Variants in SLC9A5 observed in about 807,000 individuals in gnomAD.
The protein encoded by SLC9A5 is sodium/hydrogen exchanger 5.
A neutral mutation model predicts 91.7 loss-of-function variants in SLC9A5; 52 were observed. That is an observed-to-expected ratio of 0.57 (90% CI 0.45 to 0.71). The LOEUF is 0.71. Ranked by LOEUF, SLC9A5 falls within the 30% of genes least tolerant of loss-of-function variation. SLC9A5 has a pLI of 0.00. For synonymous variants in SLC9A5, 419 were observed against 474.5 expected (o/e 0.88, Z 1.52); for missense variants, 871 against 1,158.9 (o/e 0.75, Z 3.61).
chr16:67,256,846 T>C lies in SLC9A5; in HGVS notation c.1133-65T>C. 6.5e-7 allele frequency: 1 copy of C among 1,528,002 alleles called. No homozygotes were observed. Among genetic ancestry groups the C allele is most frequent in the Non-Finnish European group, 9.0e-7 (1 of 1,108,764 alleles). The allele number at this position is 1,528,002 out of a possible 1,614,324, so 94.7% of individuals were successfully genotyped here. On this transcript the variant is annotated intron_variant, in intron 6 of 15. Transcript: ENST00000299798. The surrounding 1 kb of genome is among the most constrained non-coding windows in gnomAD (Gnocchi z 4.1). ...GTTAGACCTCAGCCCAGATACTTGG[T>C]CCCATCCGGTCCCACGTCCTCCACT... is the stretch of plus-strand genomic sequence containing the variant.
chr16:67,258,352 C>G lies in SLC9A5; in HGVS notation c.1531C>G (p.Leu511Val). 6.2e-7 allele frequency: 1 copy of G among 1,614,150 alleles called. No individual in the cohort carries two copies. The highest frequency in any genetic ancestry group is 1.6e-4 in the Middle Eastern group (1 of 6,062). ...GTTTGACAAGAAATACCTGAGTCAGCTGCTGATGCGACGATCAGCCTACCG... is the reference window on the plus strand; with the variant it reads ...GTTTGACAAGAAATACCTGAGTCAGGTGCTGATGCGACGATCAGCCTACCG... ...EQFDKKYLSQ[L>V]LMRRSAYRIR... The change falls in exon 10 of 16, where the codon CTG (leucine) becomes GTG (valine). Residue 511 changes from leucine to valine, a missense_variant. By Grantham distance (32) the Leu-to-Val change is conservative (BLOSUM62 1). Coordinates refer to ENST00000299798, the MANE Select transcript of SLC9A5 (RefSeq NM_004594.3). The surrounding 1 kb of genome is among the most constrained non-coding windows in gnomAD (Gnocchi z 4.5).
chr16:67,256,868 C>T lies in SLC9A5; in HGVS notation c.1133-43C>T, dbSNP rs765880548. The T allele has an allele frequency of 6.3e-7, 1 of 1,592,524 alleles. No individual in the cohort carries two copies. The highest frequency in any genetic ancestry group is 8.6e-7 in the Non-Finnish European group (1 of 1,163,342). Reference sequence around the variant, plus strand: ...TGGTCCCATCCGGTCCCACGTCCTCCACTCCCAACGCTTTGCTCCCACTGG... The same window carrying T: ...TGGTCCCATCCGGTCCCACGTCCTCTACTCCCAACGCTTTGCTCCCACTGG... On this transcript the variant is annotated intron_variant, in intron 6 of 15. Coordinates refer to ENST00000299798, the MANE Select transcript of SLC9A5 (RefSeq NM_004594.3). This position sits in a 1 kb window ranked among gnomAD's most constrained non-coding sequence, Gnocchi z 4.1.
intron 15 of SLC9A5, among the ~76,000 whole-genome samples, chr16:67,269,195 G>A (rs1360814418): frequency 6.6e-6 from 1 of 152,002 alleles, no homozygotes; most frequent in East Asian, 1.9e-4. Context: ...AGGCCAAGGT[G>A]TGCAGATCAC....
rs1434953433 is a variant in SLC9A5 at position 67,256,291 on chromosome 16, G to A, written c.912-178G>A. On this transcript the variant is annotated intron_variant, in intron 5 of 15. Transcript: ENST00000299798. The surrounding 1 kb of genome is among the most constrained non-coding windows in gnomAD (Gnocchi z 4.1). ...CAGGAGACACTGAATGGGAAGCCTG[G>A]AGATCTGGACTCTTAGCCCAGCACT... is the stretch of plus-strand genomic sequence containing the variant. Among the ~76,000 whole-genome samples the A allele has an allele frequency of 6.6e-6, 1 of 152,184 alleles. No homozygotes were observed. Among genetic ancestry groups the A allele is most frequent in the Non-Finnish European group, 1.5e-5 (1 of 68,014 alleles).
At chr16:67,269,183 G>A (rs575093690) in intron 15 of SLC9A5, among the ~76,000 whole-genome samples, 2 of 152,124 alleles carry the variant, frequency 1.3e-5, no homozygotes, top group South Asian at 4.2e-4. Context: ...CAGCACTTCG[G>A]GAGGCCAAGG....
chr16:67,261,967 G>A, intron 12 of SLC9A5: 1 of 194,370 alleles, frequency 5.1e-6, no homozygotes, highest in Non-Finnish European at 1.0e-5. Context: ...TGTATGTGGT[G>A]TTTATGTATA....
intron 13 of SLC9A5, 35 bp downstream of exon 13, chr16:67,264,557 G>A (rs749017474): frequency 1.7e-5 from 28 of 1,609,752 alleles, no homozygotes; most frequent in Middle Eastern, 1.7e-4. Flanking sequence ...CTTGGGAGCT[G>A]GAGGCTGACA....
chr16:67,256,693 T>A lies in SLC9A5; in HGVS notation c.1132+4T>A, dbSNP rs753504583. On this transcript the variant is annotated splice_donor_region_variant and intron_variant, in intron 6 of 15. Coordinates refer to ENST00000299798, the MANE Select transcript of SLC9A5 (RefSeq NM_004594.3). This position sits in a 1 kb window ranked among gnomAD's most constrained non-coding sequence, Gnocchi z 4.1. The stretch of plus-strand genomic sequence containing the variant: ...ATCCTGTTCTTCCGAGCCCTCGGTA[T>A]TGCTGGCACCCTCTGCTTTCCCACT... 6.2e-7 allele frequency: 1 copy of A among 1,607,398 alleles called. No individual in the cohort carries two copies. Among genetic ancestry groups the A allele is most frequent in the Non-Finnish European group, 8.5e-7 (1 of 1,175,802 alleles).
chr16:67,254,906 T>C (rs1306882056), intron 2 of SLC9A5, 115 bp from the exon 3 acceptor site: 2 of 1,006,220 alleles, frequency 2.0e-6, no homozygotes, highest in East Asian at 2.5e-5. Flanking sequence ...CCAAGTCCTC[T>C]TTGGGCTTCC....
At chr16:67,262,387 A>G (rs996195305) in intron 12 of SLC9A5, 5 of 396,830 alleles carry the variant, frequency 1.3e-5, no homozygotes, top group Non-Finnish European at 2.1e-5. Flanking sequence ...AGAGACAGAG[A>G]TATCTAGTTT....
At chr16:67,249,242 C>T in intron 1 of SLC9A5, 41 bp downstream of exon 1, 4 of 1,350,648 alleles carry the variant, frequency 3.0e-6, no homozygotes, top group African/African-American at 3.0e-5. Context: ...CCGCCAGCGG[C>T]GGACCCGCCC....
At position 67,255,252 on chromosome 16, in the gene SLC9A5, C is replaced by G. The variant is rs760714120; in HGVS notation, c.654+68C>G. The stretch of plus-strand genomic sequence containing the variant: ...CATGCTCTGACCAACTAGGGGTCTG[C>G]GCAGACTCAGTCCCTTCCCTTGGGT... On this transcript the variant is annotated intron_variant, in intron 3 of 15. Coordinates refer to ENST00000299798, the MANE Select transcript of SLC9A5 (RefSeq NM_004594.3). This position sits in a 1 kb window ranked among gnomAD's most constrained non-coding sequence, Gnocchi z 4.9. 4 of 1,559,244 alleles carry G rather than the reference C, an allele frequency of 2.6e-6. No individual in the cohort carries two copies. The Admixed American group carries it at 6.8e-5, about 27-fold the overall frequency.
rs2035358781 is a variant in SLC9A5 at position 67,257,381 on chromosome 16, G to A, written c.1372G>A (p.Val458Met). The change falls in exon 8 of 16, where the codon GTG becomes ATG. Residue 458 changes from valine to methionine, a missense_variant. This residue lies in a region of SLC9A5 where 454 missense variants were observed against 718.3 expected (regional missense o/e 0.63). Coordinates refer to ENST00000299798, the MANE Select transcript of SLC9A5 (RefSeq NM_004594.3). The surrounding 1 kb of genome is among the most constrained non-coding windows in gnomAD (Gnocchi z 5.1). ...TIKPLVKWLK[V>M]KRSEHHKPTL... ...CAAGCCACTGGTCAAATGGCTGAAG[G>A]TGAAGAGGAGTGAGCATCACAAACC... is the stretch of plus-strand genomic sequence containing the variant. 6.2e-7 allele frequency: 1 copy of A among 1,614,100 alleles called. No homozygotes were observed. The highest frequency in any genetic ancestry group is 1.7e-5 in the Admixed American group (1 of 60,006).
Position 67,255,520 on chromosome 16 carries a change from G to T in SLC9A5, c.733+49G>T. 6.4e-7 allele frequency: 1 copy of T among 1,572,408 alleles called. No individual in the cohort carries two copies. Reference sequence around the variant, plus strand: ...TGGCATTGGAGGTCTGCCTCCCCTGGGTTGCTGAGGCCCTCCCACCCCGCA... The same window carrying T: ...TGGCATTGGAGGTCTGCCTCCCCTGTGTTGCTGAGGCCCTCCCACCCCGCA... On this transcript the variant is annotated intron_variant, in intron 4 of 15. Coordinates refer to ENST00000299798, the MANE Select transcript of SLC9A5 (RefSeq NM_004594.3). The surrounding 1 kb of genome is among the most constrained non-coding windows in gnomAD (Gnocchi z 4.9).
chr16:67,254,441 G>A (rs533343245), intron 2 of SLC9A5, among the ~76,000 whole-genome samples: 47 of 152,162 alleles, frequency 3.1e-4, no homozygotes, highest in Non-Finnish European at 2.6e-4. Context: ...GTGTCACCCA[G>A]GCTGGAGTGC....
Position 67,249,032 on chromosome 16 carries a change from G to A in SLC9A5, c.18G>A (p.Leu6=). MLRAA[L]SLLALPLAGA... is the part of the protein sequence containing the mutation. Reference sequence around the variant, plus strand: ...GCGGCAGGATGCTGCGCGCCGCCCTGTCCCTGCTCGCGCTGCCCCTGGCGG... The same window carrying A: ...GCGGCAGGATGCTGCGCGCCGCCCTATCCCTGCTCGCGCTGCCCCTGGCGG... Residue 6 remains leucine (L), a synonymous_variant, in exon 1 of 16, where the codon CTG becomes CTA. Transcript: ENST00000299798. 1.3e-6 allele frequency: 2 copies of A among 1,487,168 alleles called. No homozygotes were observed. The highest frequency in any genetic ancestry group is 1.3e-5 in the South Asian group (1 of 79,488). 92.1% of individuals were successfully genotyped at this position (1,487,168 alleles called of 1,614,324 possible). A position where few individuals can be genotyped will look rare whatever the true frequency, so the allele number is the denominator to read the frequency against.
intron 14 of SLC9A5, 141 bp downstream of exon 14, chr16:67,265,247 C>A: frequency 4.1e-6 from 3 of 727,424 alleles, no homozygotes; most frequent in Non-Finnish European, 4.7e-6. Context: ...ACTTGATTTC[C>A]AAGTTGGAAA....
rs376739539 is a variant in SLC9A5, at chr16:67,252,646, G to C, written c.292G>C (p.Ala98Pro). 29 of 1,614,074 alleles carry C rather than the reference G, an allele frequency of 1.8e-5. No homozygotes were observed. In the African/African-American group the frequency reaches 3.7e-4, roughly 21 times the overall value. The change falls in exon 2 of 16, where the codon GCT becomes CCT. Residue 98 changes from alanine to proline, a missense_variant. Around this residue, in one of 3 missense-constraint regions of SLC9A5, gnomAD observed 454 missense variants for 718.3 expected, o/e 0.63. Transcript: ENST00000299798. The surrounding 1 kb of genome is among the most constrained non-coding windows in gnomAD (Gnocchi z 4.0). ...AATTGTTTTGGCTGTGGCCAAGAAAGCTGAGTACCAGCTGGAGCCAGGCAC... is the reference window on the plus strand; with the variant it reads ...AATTGTTTTGGCTGTGGCCAAGAAACCTGAGTACCAGCTGGAGCCAGGCAC... ...GGIVLAVAKK[A>P]EYQLEPGTFF...
At position 67,257,207 on chromosome 16, in the gene SLC9A5, G is replaced by A. The variant is rs1418482288; in HGVS notation, c.1335+94G>A. 4.2e-6 allele frequency: 6 copies of A among 1,419,940 alleles called. No individual in the cohort carries two copies. The African/African-American group carries it at 7.0e-5, about 17-fold the overall frequency. The allele number at this position is 1,419,940 out of a possible 1,614,324, so 88.0% of individuals were successfully genotyped here. ...GGACAGGGGCTTCTCTTCCCGCTGGGAGATGGAGGGCCCTGACTTCCCAGA... is the reference window on the plus strand; with the variant it reads ...GGACAGGGGCTTCTCTTCCCGCTGGAAGATGGAGGGCCCTGACTTCCCAGA... On this transcript the variant is annotated intron_variant, in intron 7 of 15. Transcript: ENST00000299798. This position sits in a 1 kb window ranked among gnomAD's most constrained non-coding sequence, Gnocchi z 5.1.
Sources: allele counts gnomAD v4.1 joint callset (sites outside exome capture counted in the v4.1 genomes callset), GRCh38; gene constraint gnomAD v4.1.1; regional missense constraint gnomAD v4.1.1; non-coding constraint Gnocchi (gnomAD v3.1); transcripts MANE v1.5; gene names NCBI Gene and HGNC (gene_info 2026-07-23, HGNC 2026-07-21).